DSTYK: variants seen among roughly 807,000 people sequenced by gnomAD.
DSTYK encodes dual serine/threonine and tyrosine protein kinase.
In DSTYK, 34 loss-of-function variants were observed where a neutral mutation model predicts 98.7. The ratio of observed to expected loss-of-function variants is 0.34; its 90% CI spans 0.26 to 0.46. The LOEUF is 0.46. Ranked by LOEUF, DSTYK falls within the 20% of genes least tolerant of loss-of-function variation. The probability of loss-of-function intolerance (pLI) is 1.00; values close to 1 mark genes in which losing one functional copy is unlikely to be tolerated. For missense variants in DSTYK, 962 were observed against 1,181.7 expected (o/e 0.81, Z 2.73); for synonymous variants, 462 against 457.3 (o/e 1.01, Z -0.13).
Position 205,147,778 on chromosome 1 carries a change from TGA to T in DSTYK, c.2603-35_2603-34del, listed in dbSNP as rs772434269. ...AAGGAGCATGGAAACAAGATCACAG[TGA>T]GAGGGACCCAGCACAACAAAGAGGC... On this transcript the variant is annotated intron_variant, in intron 12 of 12. Coordinates refer to ENST00000367162, the MANE Select transcript of DSTYK (RefSeq NM_015375.3). 1.0e-5 allele frequency: 16 copies of T among 1,602,148 alleles called. No homozygotes were observed. The African/African-American group carries it at 2.1e-4, about 21-fold the overall frequency.
intron 12 of DSTYK, 70 bp downstream of exon 12, chr1:205,148,135 G>A (rs993782285): frequency 2.0e-5 from 32 of 1,593,932 alleles, no homozygotes; most frequent in African/African-American, 8.1e-5. Context: ...CAGGAGACCC[G>A]GTGACATTGC....
At chr1:205,165,792 A>G (rs1007332101) in intron 3 of DSTYK, among the ~76,000 whole-genome samples, 1 of 152,208 alleles carries the variant, frequency 6.6e-6, no homozygotes, top group African/African-American at 2.4e-5. Flanking sequence ...AAAATAAAAA[A>G]TAAACAAATA....
At chr1:205,181,048 A>G (rs1658382593) in intron 2 of DSTYK, among the ~76,000 whole-genome samples, 1 of 152,220 alleles carries the variant, frequency 6.6e-6, no homozygotes, top group Non-Finnish European at 1.5e-5. Context: ...CTTTTTAAAT[A>G]TATCACTTCA....
At chr1:205,148,765 G>A (rs1481104658) in intron 11 of DSTYK, among the ~76,000 whole-genome samples, 1 of 152,152 alleles carries the variant, frequency 6.6e-6, no homozygotes, top group Non-Finnish European at 1.5e-5. Context: ...TTATGTTTTA[G>A]AGTAGGAGGT....
intron 2 of DSTYK, among the ~76,000 whole-genome samples, chr1:205,185,345 G>A (rs1268953032): frequency 6.6e-6 from 1 of 152,096 alleles, no homozygotes; most frequent in Admixed American, 6.5e-5. Flanking sequence ...ATCACCACCT[G>A]ACTCACAGCA....
chr1:205,172,794 T>TG (rs1246539436), intron 2 of DSTYK, among the ~76,000 whole-genome samples: 19 of 152,134 alleles, frequency 1.2e-4, no homozygotes, highest in Non-Finnish European at 2.2e-4. Context: ...TAGCAAACAC[T>TG]ACATAAGTCA....
intron 1 of DSTYK, among the ~76,000 whole-genome samples, chr1:205,195,861 C>T (rs959215792): frequency 2.0e-5 from 3 of 152,238 alleles, no homozygotes; most frequent in African/African-American, 4.8e-5. Context: ...GGTGAAACTG[C>T]TCCTGAGACT....
Position 205,176,080 on chromosome 1 carries a change from T to C in DSTYK, c.655-6248A>G, listed in dbSNP as rs78586243. 8.6e-3 allele frequency among the ~76,000 whole-genome samples: 1,310 copies of C among 152,338 alleles called. 22 individuals carry two copies. Among genetic ancestry groups the C allele is most frequent in the African/African-American group, 0.03 (1,254 of 41,580 alleles). ...AACCCATAATTCCTATATTGAGTCATAGTGAATTCCTAAAGAGATTTCTCT... is the reference window on the plus strand; with the variant it reads ...AACCCATAATTCCTATATTGAGTCACAGTGAATTCCTAAAGAGATTTCTCT... On this transcript the variant is annotated intron_variant, in intron 2 of 12. Transcript: ENST00000367162.
chr1:205,198,834 C>CT (rs5780273), intron 1 of DSTYK, among the ~76,000 whole-genome samples: 35 of 128,184 alleles, frequency 2.7e-4, no homozygotes, highest in Middle Eastern at 3.9e-3. Flanking sequence ...GGCACTAAAG[C>CT]TTTTTTTTTT....
intron 1 of DSTYK, among the ~76,000 whole-genome samples, chr1:205,201,490 G>C (rs74931712): frequency 0.03 from 4,331 of 142,348 alleles, 196 homozygotes; most frequent in African/African-American, 0.097. Flanking sequence ...TAGGGGCCCA[G>C]AGAGTAAAAT....
intron 1 of DSTYK, among the ~76,000 whole-genome samples, chr1:205,201,941 C>A (rs888189967): frequency 6.6e-6 from 1 of 152,024 alleles, no homozygotes; most frequent in Non-Finnish European, 1.5e-5. Flanking sequence ...TGCCTGTGAT[C>A]CCAGCTACTC....
At chr1:205,151,523 G>T (rs1432947405) in intron 10 of DSTYK, among the ~76,000 whole-genome samples, 4 of 152,010 alleles carry the variant, frequency 2.6e-5, no homozygotes, top group Non-Finnish European at 5.9e-5. Flanking sequence ...GTCCAGGCTG[G>T]AGTGCAGTGG....
rs1657238088 is a variant in DSTYK at position 205,146,511 on chromosome 1, G to A, written c.*1047C>T. ...TAACTCCTGTGTGTATGTCTATATA[G>A]ATAGAGATATAGACACACACACATA... On this transcript the variant is annotated 3_prime_UTR_variant, in exon 13 of 13. Transcript: ENST00000367162. 2 of 151,606 alleles carry A rather than the reference G, an allele frequency of 1.3e-5. No individual in the cohort carries two copies. The highest frequency in any genetic ancestry group is 1.3e-4 in the Admixed American group (2 of 15,214). The allele number at this position is 151,606 out of a possible 1,614,324, so 9.4% of individuals were successfully genotyped here.
intron 2 of DSTYK, among the ~76,000 whole-genome samples, chr1:205,181,656 T>TG (rs1558616449): frequency 0.08 from 11,361 of 142,454 alleles, 637 homozygotes; most frequent in Non-Finnish European, 0.12. Flanking sequence ...ATGTTGGGGT[T>TG]TGTGTGTGTG....
intron 2 of DSTYK, among the ~76,000 whole-genome samples, chr1:205,174,357 A>T (rs1312566258): frequency 2.6e-5 from 4 of 152,040 alleles, no homozygotes; most frequent in Non-Finnish European, 4.4e-5. Context: ...TACTAAAAAT[A>T]CAAAAATTAG....
chr1:205,152,401 T>C (rs1281007475), intron 10 of DSTYK, among the ~76,000 whole-genome samples: 1 of 152,196 alleles, frequency 6.6e-6, no homozygotes, highest in Non-Finnish European at 1.5e-5. Flanking sequence ...GGTCTCGAAC[T>C]CCCAACCTCA....
At chr1:205,151,468 TG>T (rs1287362491) in intron 10 of DSTYK, among the ~76,000 whole-genome samples, 1 of 152,074 alleles carries the variant, frequency 6.6e-6, no homozygotes, top group Middle Eastern at 3.2e-3. Flanking sequence ...AGTGGCTTTT[TG>T]TTGTTGTTGT....
At chr1:205,168,926 T>C (rs1413532386) in intron 3 of DSTYK, among the ~76,000 whole-genome samples, 2 of 152,188 alleles carry the variant, frequency 1.3e-5, no homozygotes, top group Non-Finnish European at 2.9e-5. Context: ...AGGATGAATT[T>C]ACCAAAAGTT....
chr1:205,194,794 C>A (rs1256527257), intron 1 of DSTYK, among the ~76,000 whole-genome samples: 1 of 148,892 alleles, frequency 6.7e-6, no homozygotes, highest in Non-Finnish European at 1.5e-5. Context: ...CTCCCTGGTT[C>A]AAGCAATTCC....
Sources: gnomAD v4.1 joint callset for allele counts (sites outside exome capture counted in the v4.1 genomes callset) on GRCh38, gnomAD v4.1.1 for gene constraint, MANE v1.5 for transcripts, NCBI Gene and HGNC (gene_info 2026-07-23, HGNC 2026-07-21) for gene names.